The following RBFOX1 variants were observed in gnomAD, a reference collection of about 807,000 sequenced individuals.
The protein encoded by RBFOX1 is RNA binding fox-1 homolog 1, also known as RNA binding protein fox-1 homolog 1.
Under a neutral mutation model 57.7 loss-of-function variants are expected in RBFOX1, and 8 were observed. The ratio of observed to expected loss-of-function variants is 0.14; its 90% CI spans 0.08 to 0.25. The LOEUF is 0.25. Ranked by LOEUF, RBFOX1 falls within the 10% of genes least tolerant of loss-of-function variation. The pLI is 1.00. For synonymous variants in RBFOX1, 326 were observed against 222.4 expected (o/e 1.47, Z -4.15); for missense variants, 611 against 548.5 (o/e 1.11, Z -1.14).
chr16:5,600,133 CAA>C (rs35222906), exon 3 of RBFOX1: 3,080 of 99,684 alleles, frequency 0.031, 59 homozygotes, highest in African/African-American at 0.072. Context: ...ACTAAAAATA[CAA>C]AAAAAAAAAA....
intron 3 of RBFOX1, among the ~76,000 whole-genome samples, chr16:6,707,089 T>G (rs2062883509): frequency 6.6e-6 from 1 of 152,174 alleles, no homozygotes; most frequent in South Asian, 2.1e-4. Flanking sequence ...TTTCCAGACT[T>G]CCATGCACAC....
At chr16:5,808,951 A>G (rs2055325879) in intron 3 of RBFOX1, among the ~76,000 whole-genome samples, 1 of 152,152 alleles carries the variant, frequency 6.6e-6, no homozygotes, top group African/African-American at 2.4e-5. Context: ...AACTTCCAAC[A>G]CTATGTTGAA....
intron 3 of RBFOX1, among the ~76,000 whole-genome samples, chr16:6,867,589 C>A (rs951906454): frequency 2.0e-5 from 3 of 152,024 alleles, no homozygotes; most frequent in African/African-American, 7.2e-5. Flanking sequence ...CGTGGTGGTA[C>A]CGGCCTGTAA....
intron 1 of RBFOX1, among the ~76,000 whole-genome samples, chr16:5,343,860 A>G (rs577394643): frequency 1.3e-5 from 2 of 152,306 alleles, no homozygotes; most frequent in Admixed American, 1.3e-4. Flanking sequence ...TAAATAGTTC[A>G]CTTAGGAGCT....
intron 2 of RBFOX1, among the ~76,000 whole-genome samples, chr16:6,537,581 C>T (rs941886117): frequency 2.0e-5 from 3 of 152,138 alleles, no homozygotes; most frequent in African/African-American, 4.8e-5. Context: ...ATTTCAGAGA[C>T]CACGCTGAAG....
Position 7,414,555 on chromosome 16 carries a change from A to G in RBFOX1, c.28-103592A>G, listed in dbSNP as rs181211304. On this transcript the variant is annotated intron_variant, in intron 4 of 15. Transcript: ENST00000550418. ...TGACTTTCCAACCAATATAGTAGGA[A>G]CTTGTTGAAGGTCTACCATATCCCA... 4.7e-3 allele frequency among the ~76,000 whole-genome samples: 711 copies of G among 152,312 alleles called. 5 individuals are homozygous for G. Among genetic ancestry groups the G allele is most frequent in the African/African-American group, 0.017 (687 of 41,564 alleles).
intron 14 of RBFOX1, among the ~76,000 whole-genome samples, chr16:7,684,107 A>G (rs918215762): frequency 2.0e-4 from 30 of 152,100 alleles, no homozygotes; most frequent in African/African-American, 7.2e-4. Context: ...ACTTACCACA[A>G]GTTGAAATTC....
chr16:6,702,930 T>C (rs528709651), intron 3 of RBFOX1, among the ~76,000 whole-genome samples: 2 of 152,318 alleles, frequency 1.3e-5, no homozygotes, highest in African/African-American at 2.4e-5. Flanking sequence ...CCCATTCTCA[T>C]GTCCTCCCAG....
At chr16:7,094,558 C>CT (rs1428393468) in intron 4 of RBFOX1, among the ~76,000 whole-genome samples, 4 of 152,100 alleles carry the variant, frequency 2.6e-5, no homozygotes, top group African/African-American at 9.6e-5. Context: ...CGAAGTCAGA[C>CT]TGTCAAATCC....
At chr16:5,582,764 C>T (rs535182956) in intron 2 of RBFOX1, among the ~76,000 whole-genome samples, 8 of 152,156 alleles carry the variant, frequency 5.3e-5, no homozygotes, top group Middle Eastern at 3.4e-3. Flanking sequence ...TGCCCTGCCT[C>T]GGATGACCCT....
intron 4 of RBFOX1, among the ~76,000 whole-genome samples, chr16:7,365,623 T>G (rs942470634): frequency 3.3e-5 from 5 of 152,222 alleles, no homozygotes; most frequent in Admixed American, 6.5e-5. Context: ...CAGAATCTTG[T>G]GCTGATTTAC....
At chr16:6,630,231 A>C (rs2098367124) in intron 2 of RBFOX1, among the ~76,000 whole-genome samples, 1 of 152,152 alleles carries the variant, frequency 6.6e-6, no homozygotes. Context: ...GAGGGATGGA[A>C]GATGCTTCTT....
chr16:7,089,968 G>C (rs577460817), intron 4 of RBFOX1, among the ~76,000 whole-genome samples: 3 of 151,790 alleles, frequency 2.0e-5, no homozygotes, highest in African/African-American at 7.3e-5. Flanking sequence ...GGCTGTTTAA[G>C]GAGATATGAA....
At chr16:7,616,176 C>G (rs924800107) in intron 10 of RBFOX1, among the ~76,000 whole-genome samples, 1 of 152,208 alleles carries the variant, frequency 6.6e-6, no homozygotes, top group African/African-American at 2.4e-5. Context: ...GGCTGTTACA[C>G]TCACAGTTAG....
rs2068697636 is a variant in RBFOX1 at position 5,458,531 on chromosome 16, T to G, written c.220-8685T>G. 9.2e-5 allele frequency among the ~76,000 whole-genome samples: 14 copies of G among 152,218 alleles called. No individual in the cohort carries two copies. The South Asian group carries it at 2.9e-3, about 32-fold the overall frequency. ...GAGATAAATGAATCAGGTACAGTTATTATTTTGCCTTACATAGGTGAAAAC... is the reference window on the plus strand; with the variant it reads ...GAGATAAATGAATCAGGTACAGTTAGTATTTTGCCTTACATAGGTGAAAAC... On this transcript the variant is annotated intron_variant, in intron 1 of 2. Coordinates refer to the RBFOX1 transcript ENST00000585867.
chr16:6,051,603 C>T (rs943788627), intron 1 of RBFOX1, among the ~76,000 whole-genome samples: 57 of 152,068 alleles, frequency 3.7e-4, no homozygotes, highest in Non-Finnish European at 7.4e-5. Flanking sequence ...CTCTGTCACC[C>T]AGACTGCTGG....
chr16:5,269,267 C>G (rs571573908), intron 1 of RBFOX1, among the ~76,000 whole-genome samples: 2 of 152,356 alleles, frequency 1.3e-5, no homozygotes, highest in Admixed American at 1.3e-4. Flanking sequence ...GATGTGGTAT[C>G]TCATTGTGGT....
intron 1 of RBFOX1, among the ~76,000 whole-genome samples, chr16:6,212,704 CA>C (rs77960620): frequency 0.19 from 13,533 of 71,324 alleles, 834 homozygotes; most frequent in East Asian, 0.46. Context: ...GAGAGTCTGT[CA>C]AAAAAACAAA....
At chr16:5,542,801 CA>C in intron 2 of RBFOX1, among the ~76,000 whole-genome samples, 1 of 152,272 alleles carries the variant, frequency 6.6e-6, no homozygotes, top group Non-Finnish European at 1.5e-5. Flanking sequence ...CTTTACCATC[CA>C]TACTCATTAA....
Sources: allele counts gnomAD v4.1 joint callset (sites outside exome capture counted in the v4.1 genomes callset), GRCh38; gene constraint gnomAD v4.1.1; transcripts MANE v1.5; gene names NCBI Gene and HGNC (gene_info 2026-07-23, HGNC 2026-07-21).